Variants in LDLRAD4 observed in about 807,000 individuals in gnomAD.
LDLRAD4 encodes the protein low density lipoprotein receptor class A domain containing 4.
LDLRAD4 carries 5 observed loss-of-function variants against 17.0 expected under a neutral mutation model. The observed-to-expected ratio is 0.29, with a 90% CI of 0.15 to 0.62. LDLRAD4 has a LOEUF of 0.62. LDLRAD4 is among the 20% of genes least tolerant of loss of function. The pLI is 0.84. For missense variants in LDLRAD4, 340 were observed against 424.7 expected (o/e 0.80, Z 1.75); for synonymous variants, 168 against 171.8 (o/e 0.98, Z 0.17).
intron 3 of LDLRAD4, 128 bp downstream of exon 4, chr18:13,438,512 G>A (rs915214935): frequency 1.3e-6 from 1 of 750,550 alleles, no homozygotes; most frequent in Non-Finnish European, 2.2e-6. Flanking sequence ...TTTTCACAAA[G>A]GAAATGTTTT....
chr18:13,276,703 G>C (rs1486449724), upstream of LDLRAD4, among the ~76,000 whole-genome samples: 1 of 152,228 alleles, frequency 6.6e-6, no homozygotes, highest in Non-Finnish European at 1.5e-5. Flanking sequence ...GCCAGCAAGG[G>C]AGTCTGTCAC....
intron 2 of LDLRAD4, among the ~76,000 whole-genome samples, chr18:13,397,773 G>C (rs560519404): frequency 6.6e-6 from 1 of 152,356 alleles, no homozygotes; most frequent in Non-Finnish European, 1.5e-5. Context: ...CGTACTGGGA[G>C]TTGGGGAGAA....
intron 3 of LDLRAD4, among the ~76,000 whole-genome samples, chr18:13,516,707 GT>G (rs1402167289): frequency 6.6e-6 from 1 of 152,188 alleles, no homozygotes; most frequent in African/African-American, 2.4e-5. Context: ...ATATAAAGGT[GT>G]TTAGGTTTGT....
At position 13,403,993 on chromosome 18, in the gene LDLRAD4, A is replaced by G. The variant is rs1288058497; in HGVS notation, c.40+16231A>G. Among the ~76,000 whole-genome samples, 7 of 152,170 alleles carry G rather than the reference A, an allele frequency of 4.6e-5. No homozygotes were observed. The East Asian group carries it at 1.3e-3, about 29-fold the overall frequency. The stretch of plus-strand genomic sequence containing the variant: ...ATGTCTATCTACACTGAGCGCAAGG[A>G]CCCTGAACCGGGGGAGGCTGAGGCG... On this transcript the variant is annotated intron_variant, in intron 2 of 5. Coordinates refer to ENST00000359446, the Ensembl canonical transcript of LDLRAD4.
intron 1 of LDLRAD4, among the ~76,000 whole-genome samples, chr18:13,358,188 C>T (rs1046674296): frequency 2.6e-5 from 4 of 152,042 alleles, no homozygotes; most frequent in Non-Finnish European, 5.9e-5. Context: ...GGTCTGTATA[C>T]TAGGGATATT....
At chr18:13,445,888 T>G (rs546754400) in intron 3 of LDLRAD4, among the ~76,000 whole-genome samples, 1 of 152,150 alleles carries the variant, frequency 6.6e-6, no homozygotes, top group South Asian at 2.1e-4. Flanking sequence ...TCACCACCAC[T>G]CACTGCCTGT....
chr18:13,563,417 A>T (rs948237052), intron 3 of LDLRAD4, among the ~76,000 whole-genome samples: 2 of 152,192 alleles, frequency 1.3e-5, no homozygotes, highest in Non-Finnish European at 2.9e-5. Context: ...TGGATATTGC[A>T]TGTCCTGACT....
At chr18:13,348,856 T>C (rs897769688) in intron 1 of LDLRAD4, among the ~76,000 whole-genome samples, 4 of 152,104 alleles carry the variant, frequency 2.6e-5, no homozygotes, top group Non-Finnish European at 5.9e-5. Context: ...TCCATGGGTG[T>C]AGGACCCTCC....
At chr18:13,365,178 T>C (rs1003822082) in intron 1 of LDLRAD4, among the ~76,000 whole-genome samples, 6 of 152,242 alleles carry the variant, frequency 3.9e-5, no homozygotes, top group African/African-American at 1.4e-4. Flanking sequence ...CAGATGCCTG[T>C]CCTTGGAAGG....
intron 3 of LDLRAD4, among the ~76,000 whole-genome samples, chr18:13,453,851 G>A (rs1306583665): frequency 1.3e-5 from 2 of 152,342 alleles, no homozygotes; most frequent in African/African-American, 4.8e-5. Flanking sequence ...CAATAATGAC[G>A]CAATGTGTGA....
chr18:13,307,897 G>A (rs1035049958), intron 1 of LDLRAD4, among the ~76,000 whole-genome samples: 1 of 152,152 alleles, frequency 6.6e-6, no homozygotes, highest in Admixed American at 6.5e-5. Context: ...GCTATACTTG[G>A]ATTTTTGACC....
At chr18:13,340,219 G>T (rs1014151880) in intron 1 of LDLRAD4, among the ~76,000 whole-genome samples, 5 of 152,134 alleles carry the variant, frequency 3.3e-5, no homozygotes, top group African/African-American at 1.2e-4. Context: ...GAATAATGCT[G>T]CTATGAACAT....
chr18:13,406,533 A>G lies in LDLRAD4; in HGVS notation c.40+18771A>G, dbSNP rs1401130434. ...CCCCGTCGATGCCGTGGTGCGCATG[A>G]TTATTATTTTGTTTACTGGGGAAGA... On this transcript the variant is annotated intron_variant, in intron 2 of 5. Transcript: ENST00000359446. 2.0e-5 allele frequency among the ~76,000 whole-genome samples: 3 copies of G among 152,020 alleles called. No individual in the cohort carries two copies. The East Asian group carries it at 5.8e-4, about 29-fold the overall frequency.
At chr18:13,526,866 C>T (rs1025163760) in intron 3 of LDLRAD4, among the ~76,000 whole-genome samples, 2 of 152,200 alleles carry the variant, frequency 1.3e-5, no homozygotes, top group Admixed American at 1.3e-4. Context: ...CTCCCCTCCT[C>T]TCCTCCTCTC....
At chr18:13,526,932 C>CT (rs907963528) in intron 3 of LDLRAD4, among the ~76,000 whole-genome samples, 1 of 152,122 alleles carries the variant, frequency 6.6e-6, no homozygotes, top group African/African-American at 2.4e-5. Flanking sequence ...GAGTGGTGTC[C>CT]TGGCCCCTTT....
At chr18:13,304,940 T>A (rs1292238176) in intron 1 of LDLRAD4, among the ~76,000 whole-genome samples, 1 of 152,278 alleles carries the variant, frequency 6.6e-6, no homozygotes, top group South Asian at 2.1e-4. Flanking sequence ...CATTTCACAG[T>A]TGAAAAACTG....
intron 3 of LDLRAD4, chr18:13,483,958 C>T (rs528308886): frequency 6.5e-6 from 1 of 152,684 alleles, no homozygotes; most frequent in East Asian, 1.9e-4. Flanking sequence ...ACCCCTGGGC[C>T]CCCTGCTTAG....
chr18:13,321,254 T>A (rs2081204031), intron 1 of LDLRAD4, among the ~76,000 whole-genome samples: 1 of 152,208 alleles, frequency 6.6e-6, no homozygotes, highest in African/African-American at 2.4e-5. Context: ...CAGAGGCCTA[T>A]GCGCGGTTTG....
chr18:13,345,358 G>T (rs1339570536), intron 1 of LDLRAD4, among the ~76,000 whole-genome samples: 2 of 152,262 alleles, frequency 1.3e-5, no homozygotes, highest in Non-Finnish European at 2.9e-5. Flanking sequence ...TTTTGTCATT[G>T]GTTCTGTTTA....
Sources: gnomAD v4.1 joint callset for allele counts (sites outside exome capture counted in the v4.1 genomes callset) on GRCh38, gnomAD v4.1.1 for gene constraint, MANE v1.5 for transcripts, NCBI Gene and HGNC (gene_info 2026-07-23, HGNC 2026-07-21) for gene names.